PPP1R12B: variants seen among roughly 807,000 people sequenced by gnomAD.
PPP1R12B encodes myosin phosphatase target subunit 2.
A neutral mutation model predicts 126.1 loss-of-function variants in PPP1R12B; 76 were observed. The ratio of observed to expected loss-of-function variants is 0.60; its 90% confidence interval spans 0.50 to 0.73. The LOEUF (loss-of-function observed/expected upper bound fraction) is 0.73, where lower values mean the gene tolerates loss of function less well. Ranked by LOEUF, PPP1R12B falls within the 30% of genes least tolerant of loss-of-function variation. PPP1R12B has a pLI of 0.00. For synonymous variants in PPP1R12B, 356 were observed against 434.7 expected (o/e 0.82, Z 2.25); for missense variants, 1,052 against 1,205.1 (o/e 0.87, Z 1.88).
chr1:202,415,011 T>G (rs959148612), intron 1 of PPP1R12B, among the ~76,000 whole-genome samples: 1 of 152,136 alleles, frequency 6.6e-6, no homozygotes, highest in Non-Finnish European at 1.5e-5. Flanking sequence ...ACTCCTGGGC[T>G]CAAGCAATCC....
rs150829491 is a variant in PPP1R12B at position 202,562,840 on chromosome 1, G to C, written c.2570G>C (p.Arg857Thr). Residue 857 changes from arginine (R) to threonine (T), a missense_variant, in exon 20 of 24, where the codon AGA becomes ACA. Arg to Thr is a moderately conservative substitution (Grantham distance 71, BLOSUM62 -1). Transcript: ENST00000608999. ...TCTTACGGTGACCGGGCTTCAGCAA[G>C]AGCCCGTCGGGAGGCCCGGGAGGCC... is the stretch of plus-strand genomic sequence containing the variant. ...SDSYGDRASA[R>T]ARREAREARL... The C allele has an allele frequency of 1.9e-6, 3 of 1,613,322 alleles. No homozygotes were observed. The highest frequency in any genetic ancestry group is 2.5e-6 in the Non-Finnish European group (3 of 1,179,656).
chr1:202,420,767 T>C (rs1668635617), intron 2 of PPP1R12B, among the ~76,000 whole-genome samples: 1 of 152,200 alleles, frequency 6.6e-6, no homozygotes, highest in Non-Finnish European at 1.5e-5. Context: ...TTGAATAAGG[T>C]CTGTCTTCCT....
At chr1:202,426,922 A>C in intron 4 of PPP1R12B, 118 bp from the exon 5 acceptor site, 1 of 1,376,260 alleles carries the variant, frequency 7.3e-7, no homozygotes, top group Non-Finnish European at 9.7e-7. Flanking sequence ...GGCAGAAGTA[A>C]TCATAAGACC....
rs200836694 is a variant in PPP1R12B at position 202,495,330 on chromosome 1, A to G, written c.2183A>G (p.Asp728Gly). 5.2e-5 allele frequency: 82 copies of G among 1,588,924 alleles called. No homozygotes were observed. Among genetic ancestry groups the G allele is most frequent in the Non-Finnish European group, 6.8e-5 (79 of 1,168,834 alleles). Reference protein sequence around the residue: ...CHRLRCPAQPDKPTTPASPST... With the variant: ...CHRLRCPAQPGKPTTPASPST... ...CGCCTGAGGTGCCCAGCTCAGCCAG[A>G]CAAACCCACCACGCCAGCATCTCCT... Residue 728 changes from aspartate (D) to glycine (G), a missense_variant, in exon 16 of 24, where the codon GAC becomes GGC. Asp to Gly is a moderately conservative substitution (Grantham distance 94). Coordinates refer to ENST00000608999, the MANE Select transcript of PPP1R12B (RefSeq NM_002481.4).
At chr1:202,493,014 G>A in intron 14 of PPP1R12B, 100 bp from the exon 15 acceptor site, 1 of 1,285,454 alleles carries the variant, frequency 7.8e-7, no homozygotes, top group Non-Finnish European at 1.1e-6. Context: ...TTCATTTTGG[G>A]ATTTGATAAC....
chr1:202,417,626 G>A (rs897170572), intron 2 of PPP1R12B, among the ~76,000 whole-genome samples: 4 of 152,118 alleles, frequency 2.6e-5, no homozygotes, highest in East Asian at 1.9e-4. Flanking sequence ...AATGGCAGTC[G>A]AAACATCTTT....
intron 1 of PPP1R12B, among the ~76,000 whole-genome samples, chr1:202,354,371 G>A (rs1220058848): frequency 6.6e-6 from 1 of 152,166 alleles, no homozygotes; most frequent in Admixed American, 6.5e-5. Context: ...AGGAGTTTGA[G>A]ACCAGCGTGG....
At chr1:202,355,055 G>C (rs1174681292) in intron 1 of PPP1R12B, among the ~76,000 whole-genome samples, 2 of 151,722 alleles carry the variant, frequency 1.3e-5, no homozygotes, top group South Asian at 2.1e-4. Context: ...TCAGGAGATC[G>C]AGACCATCCT....
intron 14 of PPP1R12B, among the ~76,000 whole-genome samples, chr1:202,489,176 A>G (rs552830377): frequency 6.6e-6 from 1 of 152,336 alleles, no homozygotes; most frequent in South Asian, 2.1e-4. Flanking sequence ...ATTCTCACCA[A>G]TATTCCTCCA....
chr1:202,452,190 A>C (rs888264387), intron 13 of PPP1R12B, among the ~76,000 whole-genome samples: 1 of 152,164 alleles, frequency 6.6e-6, no homozygotes, highest in African/African-American at 2.4e-5. Flanking sequence ...TTGGGAGGCC[A>C]AGGCAGGCAG....
rs1690010380 is a variant in PPP1R12B at position 202,589,059 on chromosome 1, A to G, written c.*8499A>G. The G allele has an allele frequency of 6.6e-6, 1 of 152,208 alleles. No homozygotes were observed. Among genetic ancestry groups the G allele is most frequent in the Non-Finnish European group, 1.5e-5 (1 of 68,052 alleles). 9.4% of individuals were successfully genotyped at this position (152,208 alleles called of 1,614,324 possible). On this transcript the variant is annotated 3_prime_UTR_variant, in exon 24 of 24. Transcript: ENST00000608999. The stretch of plus-strand genomic sequence containing the variant: ...ATGGAAGTCTCCTGCCATCACCCTT[A>G]GTCATCTGCTATATCCATAAGTCTT...
chr1:202,414,305 C>T (rs1392560204), intron 1 of PPP1R12B, among the ~76,000 whole-genome samples: 1 of 152,170 alleles, frequency 6.6e-6, no homozygotes, highest in Non-Finnish European at 1.5e-5. Flanking sequence ...GAAACTGAAA[C>T]CATGTCAATG....
rs573646600 is a variant in PPP1R12B at position 202,351,538 on chromosome 1, C to T, written c.291+2396C>T. Among the ~76,000 whole-genome samples, 122 of 152,222 alleles carry T rather than the reference C, an allele frequency of 8.0e-4. 1 individual carries two copies. The highest frequency in any genetic ancestry group is 2.7e-3 in the African/African-American group (111 of 41,528). On this transcript the variant is annotated intron_variant, in intron 1 of 23. Coordinates refer to ENST00000608999, the MANE Select transcript of PPP1R12B (RefSeq NM_002481.4). The stretch of plus-strand genomic sequence containing the variant: ...ACAGGCATGAGCCACCGCGCATGGC[C>T]GACCTGGAGAACTCCTAAGGTACAT...
At chr1:202,352,609 C>G (rs1010404996) in intron 1 of PPP1R12B, among the ~76,000 whole-genome samples, 3 of 152,126 alleles carry the variant, frequency 2.0e-5, no homozygotes, top group Admixed American at 6.5e-5. Flanking sequence ...ACACTGGCGG[C>G]CGGGGGTGGT....
intron 18 of PPP1R12B, among the ~76,000 whole-genome samples, chr1:202,516,397 C>T (rs1488470796): frequency 6.6e-6 from 1 of 151,992 alleles, no homozygotes; most frequent in Non-Finnish European, 1.5e-5. Context: ...CCTCTGTAAT[C>T]ACATCCAGTA....
chr1:202,406,443 A>G (rs1666612610), intron 1 of PPP1R12B, among the ~76,000 whole-genome samples: 1 of 152,370 alleles, frequency 6.6e-6, no homozygotes, highest in Non-Finnish European at 1.5e-5. Flanking sequence ...ATCAGTTTAC[A>G]CTGTATATAC....
intron 13 of PPP1R12B, among the ~76,000 whole-genome samples, chr1:202,486,913 T>G (rs571091262): frequency 4.4e-4 from 67 of 152,304 alleles, no homozygotes; most frequent in African/African-American, 1.5e-3. Flanking sequence ...ACACAAATTC[T>G]TACAGAAATA....
At chr1:202,513,554 G>A (rs573635951) in intron 18 of PPP1R12B, among the ~76,000 whole-genome samples, 3 of 152,252 alleles carry the variant, frequency 2.0e-5, no homozygotes, top group South Asian at 4.1e-4. Flanking sequence ...AAGTTCCAGG[G>A]CTAGAGATAA....
intron 1 of PPP1R12B, among the ~76,000 whole-genome samples, chr1:202,381,649 G>A (rs1662301434): frequency 6.6e-6 from 1 of 152,172 alleles, no homozygotes; most frequent in Non-Finnish European, 1.5e-5. Context: ...AAGAAGGAAA[G>A]TCAGTATTGC....
Sources: allele counts gnomAD v4.1 joint callset (sites outside exome capture counted in the v4.1 genomes callset), GRCh38; gene constraint gnomAD v4.1.1; transcripts MANE v1.5; gene names NCBI Gene and HGNC (gene_info 2026-07-23, HGNC 2026-07-21).